The following OXCT1 variants were observed in gnomAD, a reference collection of about 807,000 sequenced individuals.
The protein encoded by OXCT1 is succinyl-CoA:3-ketoacid coenzyme A transferase 1, mitochondrial.
In OXCT1, 27 loss-of-function variants were observed where a neutral mutation model predicts 69.6. That is an observed-to-expected ratio of 0.39 (90% CI 0.29 to 0.54). The LOEUF (loss-of-function observed/expected upper bound fraction) is 0.54, where lower values mean the gene tolerates loss of function less well. OXCT1 is among the 20% of genes least tolerant of loss of function. The pLI is 0.72. For synonymous variants in OXCT1, 202 were observed against 217.8 expected, an observed-to-expected ratio of 0.93 and a Z score of 0.64; for missense variants, 437 against 650.2, an observed-to-expected ratio of 0.67 and a Z score of 3.57.
At chr5:41,757,940 A>G (rs1322367999) in intron 14 of OXCT1, among the ~76,000 whole-genome samples, 1 of 152,130 alleles carries the variant, frequency 6.6e-6, no homozygotes, top group African/African-American at 2.4e-5. Context: ...GATTTTAAAT[A>G]GCAACAACTT....
At chr5:41,822,897 G>GT (rs1415424909) in intron 7 of OXCT1, among the ~76,000 whole-genome samples, 1 of 152,178 alleles carries the variant, frequency 6.6e-6, no homozygotes, top group Non-Finnish European at 1.5e-5. Context: ...TTAATCCACT[G>GT]TGAGTCTTAA....
chr5:41,750,661 A>G (rs1401433129), intron 14 of OXCT1, among the ~76,000 whole-genome samples: 6 of 152,076 alleles, frequency 3.9e-5, no homozygotes, highest in African/African-American at 1.2e-4. Context: ...CACACCTACT[A>G]TCTAGTTTAT....
chr5:41,836,758 T>C (rs6888816), intron 7 of OXCT1, among the ~76,000 whole-genome samples: 28,619 of 151,960 alleles, frequency 0.19, 2,868 homozygotes, highest in Middle Eastern at 0.29. Context: ...CAGGCAGTAA[T>C]GCTCACTCAC....
At chr5:41,748,722 T>C (rs1743627555) in intron 15 of OXCT1, among the ~76,000 whole-genome samples, 1 of 152,018 alleles carries the variant, frequency 6.6e-6, no homozygotes, top group Non-Finnish European at 1.5e-5. Flanking sequence ...CACACCTCAG[T>C]GAGGTTAGCG....
intron 3 of OXCT1, among the ~76,000 whole-genome samples, chr5:41,854,897 A>C (rs1749360197): frequency 6.6e-6 from 1 of 152,244 alleles, no homozygotes; most frequent in Non-Finnish European, 1.5e-5. Context: ...CAATATATCC[A>C]TATGCTATGG....
Position 41,730,546 on chromosome 5 carries a change from GT to G in OXCT1, c.*1182del, listed in dbSNP as rs1293174481. The G allele has an allele frequency of 3.3e-5, 5 of 152,200 alleles. No individual in the cohort carries two copies. The highest frequency in any genetic ancestry group is 7.3e-5 in the Non-Finnish European group (5 of 68,040). 9.4% of individuals were successfully genotyped at this position (152,200 alleles called of 1,614,324 possible). On this transcript the variant is annotated 3_prime_UTR_variant, in exon 17 of 17. Coordinates refer to ENST00000196371, the MANE Select transcript of OXCT1 (RefSeq NM_000436.4). The stretch of plus-strand genomic sequence containing the variant: ...TGTCCAGAGGCCAGCTGTCTCACCT[GT>G]TCTTCAGGGTGCCTAGACTTTTTAC...
intron 13 of OXCT1, among the ~76,000 whole-genome samples, chr5:41,765,318 C>T (rs901018894): frequency 2.0e-5 from 3 of 152,160 alleles, no homozygotes; most frequent in Non-Finnish European, 4.4e-5. Flanking sequence ...CATGTTTTTT[C>T]ACGTTCTGCA....
At chr5:41,816,169 T>C (rs1002785892) in intron 7 of OXCT1, among the ~76,000 whole-genome samples, 3 of 152,232 alleles carry the variant, frequency 2.0e-5, no homozygotes, top group Non-Finnish European at 4.4e-5. Flanking sequence ...ATTTCATCTT[T>C]TAAATGTTCT....
At chr5:41,847,892 C>G (rs1425373320) in intron 5 of OXCT1, among the ~76,000 whole-genome samples, 1 of 150,146 alleles carries the variant, frequency 6.7e-6, no homozygotes, top group Non-Finnish European at 1.5e-5. Flanking sequence ...CCCTCTCTCA[C>G]CACTCCTATT....
intron 16 of OXCT1, among the ~76,000 whole-genome samples, chr5:41,738,628 T>A (rs1462142497): frequency 6.6e-6 from 1 of 152,220 alleles, no homozygotes; most frequent in African/African-American, 2.4e-5. Flanking sequence ...AATGGACTAA[T>A]ACACTTTCCT....
At chr5:41,869,392 G>T (rs190171963) in intron 1 of OXCT1, among the ~76,000 whole-genome samples, 2 of 152,192 alleles carry the variant, frequency 1.3e-5, no homozygotes, top group Admixed American at 6.5e-5. Context: ...TGGACCTGGC[G>T]CTCTGGTCCT....
chr5:41,858,164 C>T (rs1159397854), intron 3 of OXCT1, among the ~76,000 whole-genome samples: 1 of 152,144 alleles, frequency 6.6e-6, no homozygotes, highest in Non-Finnish European at 1.5e-5. Flanking sequence ...AAGACGCTAG[C>T]CCCAGGTGCA....
In OXCT1 at chr5:41,762,225, C is replaced by T. The variant is rs1744385208; in HGVS notation, c.1249-25G>A. ...CCTGCAAAACAAAAAATAAATAGCTCTGTATCTTTCACTTCTTTTGTATGT... is the reference window on the plus strand; with the variant it reads ...CCTGCAAAACAAAAAATAAATAGCTTTGTATCTTTCACTTCTTTTGTATGT... On this transcript the variant is annotated intron_variant, in intron 13 of 16. Transcript: ENST00000196371. This position sits in a 1 kb window ranked among gnomAD's most constrained non-coding sequence, Gnocchi z 4.0. 6.6e-7 allele frequency: 1 copy of T among 1,523,960 alleles called. No individual in the cohort carries two copies. The highest frequency in any genetic ancestry group is 9.1e-7 in the Non-Finnish European group (1 of 1,097,934). 94.4% of individuals were successfully genotyped at this position (1,523,960 alleles called of 1,614,324 possible). A position where few individuals can be genotyped will look rare whatever the true frequency, so the allele number is the denominator to read the frequency against.
chr5:41,808,102 A>G (rs1276844681), intron 7 of OXCT1, among the ~76,000 whole-genome samples: 1 of 152,108 alleles, frequency 6.6e-6, no homozygotes, highest in African/African-American at 2.4e-5. Flanking sequence ...ATATAGCAAT[A>G]TGAAATGCCT....
At chr5:41,865,812 G>A (rs1749936333) in intron 1 of OXCT1, among the ~76,000 whole-genome samples, 1 of 152,128 alleles carries the variant, frequency 6.6e-6, no homozygotes, top group Non-Finnish European at 1.5e-5. Flanking sequence ...ATATACAGAA[G>A]CCCTGTTGCA....
At chr5:41,846,429 A>C (rs1748909959) in intron 5 of OXCT1, among the ~76,000 whole-genome samples, 1 of 148,130 alleles carries the variant, frequency 6.8e-6, no homozygotes, top group South Asian at 2.2e-4. Context: ...ATGATTTCCA[A>C]TTTCATCCAT....
chr5:41,838,553 C>G (rs561536618), intron 7 of OXCT1, among the ~76,000 whole-genome samples: 4 of 152,018 alleles, frequency 2.6e-5, no homozygotes, highest in Admixed American at 6.6e-5. Flanking sequence ...CTAATCAATA[C>G]AGTAATCACT....
chr5:41,750,139 T>TG (rs1367290030), intron 14 of OXCT1, among the ~76,000 whole-genome samples: 7 of 147,064 alleles, frequency 4.8e-5, no homozygotes, highest in South Asian at 2.1e-4. Context: ...TTTTTGGTTT[T>TG]TTTTTTTTTT....
intron 7 of OXCT1, among the ~76,000 whole-genome samples, chr5:41,817,255 TAAAG>T (rs1420167614): frequency 1.3e-5 from 2 of 152,236 alleles, no homozygotes; most frequent in African/African-American, 4.8e-5. Context: ...CAGTATGATA[TAAAG>T]AAAGTACTGG....
Sources: allele counts gnomAD v4.1 joint callset (sites outside exome capture counted in the v4.1 genomes callset), GRCh38; gene constraint gnomAD v4.1.1; non-coding constraint Gnocchi (gnomAD v3.1); transcripts MANE v1.5; gene names NCBI Gene and HGNC (gene_info 2026-07-23, HGNC 2026-07-21).